MAGEC2: variants seen among roughly 807,000 people sequenced by gnomAD.
The protein encoded by MAGEC2 is MAGE family member C2.
For synonymous variants in MAGEC2, 127 were observed against 115.1 expected (o/e 1.10, Z -0.66); for missense variants, 332 against 282.3 (o/e 1.18, Z -1.26).
At position 142,202,888 on chromosome X, in the gene MAGEC2, C is replaced by A; in HGVS notation, c.1100G>T (p.Ser367Ile). Residue 367 changes from serine to isoleucine, a missense_variant, in exon 3 of 3, where the codon AGC (serine) becomes ATC (isoleucine). Transcript: ENST00000247452. ...ACTTCACTCAGAAAAGGAGACGTTGCTGGACATGACACTGAGGCTTTCACT... is the reference window on the plus strand; with the variant it reads ...ACTTCACTCAGAAAAGGAGACGTTGATGGACATGACACTGAGGCTTTCACT... Reference protein sequence around the residue: ...MASESLSVMSSNVSFSE With the variant: ...MASESLSVMSINVSFSE The A allele has an allele frequency of 1.7e-6, 2 of 1,209,756 alleles. No homozygotes were observed. The highest frequency in any genetic ancestry group is 2.2e-6 in the Non-Finnish European group (2 of 894,550).
rs1294386088 is a variant in MAGEC2, at chrX:142,203,394, T to C, written c.594A>G (p.Ile198Met). 2.5e-6 allele frequency: 3 copies of C among 1,211,711 alleles called. No homozygotes were observed. Among genetic ancestry groups the C allele is most frequent in the South Asian group, 3.5e-5 (2 of 56,941 alleles). Reference protein sequence around the residue: ...FMELLFGLALIEVGPDHFCVF... With the variant: ...FMELLFGLALMEVGPDHFCVF... ...CACAGAAGTGGTCAGGGCCCACTTC[T>C]ATCAGGGCAAGGCCAAAAAGAAGCT... Residue 198 changes from isoleucine to methionine, a missense_variant, in exon 3 of 3, where the codon ATA (isoleucine) becomes ATG (methionine). Ile to Met is a conservative substitution (Grantham distance 10). Coordinates refer to ENST00000247452, the MANE Select transcript of MAGEC2 (RefSeq NM_016249.4).
chrX:142,202,873 GA>G lies in MAGEC2; in HGVS notation c.1114del (p.Ser372LeufsTer5). Reference sequence around the variant, plus strand: ...AAGAAACTATCCTAGACTTCACTCAGAAAAGGAGACGTTGCTGGACATGACA... The same window carrying G: ...AAGAAACTATCCTAGACTTCACTCAGAAAGGAGACGTTGCTGGACATGACA... ...LSVMSSNVSF[S>X]E On this transcript the variant is annotated frameshift_variant, in exon 3 of 3. Transcript: ENST00000247452. LOFTEE classifies it high-confidence loss of function. The G allele has an allele frequency of 8.3e-7, 1 of 1,207,899 alleles. No individual in the cohort carries two copies. Among genetic ancestry groups the G allele is most frequent in the Non-Finnish European group, 1.1e-6 (1 of 893,472 alleles).
chrX:142,204,079 T>G (rs778329053), intron 2 of MAGEC2, 26 bp from the exon 3 acceptor site: 1 of 1,180,679 alleles, frequency 8.5e-7, no homozygotes, highest in Non-Finnish European at 1.2e-6. Flanking sequence ...ACAGTGTGAG[T>G]GGCCTCAGCT....
Position 142,202,638 on chromosome X carries a change from G to C in MAGEC2, c.*228C>G, listed in dbSNP as rs1435643817. On this transcript the variant is annotated 3_prime_UTR_variant, in exon 3 of 3. Coordinates refer to ENST00000247452, the MANE Select transcript of MAGEC2 (RefSeq NM_016249.4). Reference sequence around the variant, plus strand: ...AACTGTTACTCTTAAACCAGATAAAGAGCAATACATGTGCGACTAATATTC... The same window carrying C: ...AACTGTTACTCTTAAACCAGATAAACAGCAATACATGTGCGACTAATATTC... 11 of 357,075 alleles carry C rather than the reference G, an allele frequency of 3.1e-5. No individual in the cohort carries two copies. Among genetic ancestry groups the C allele is most frequent in the Non-Finnish European group, 5.3e-5 (11 of 208,330 alleles). The allele number at this position is 357,075 out of a possible 1,213,427, so 29.4% of individuals were successfully genotyped here.
rs148758205 is a variant in MAGEC2, at chrX:142,202,597, T to C, written c.*269A>G. On this transcript the variant is annotated 3_prime_UTR_variant, in exon 3 of 3. Transcript: ENST00000247452. ...AATAAGGGAGAAGGTATTTCCATTTTTTTAACAAAATATCAAACTGTTACT... is the reference window on the plus strand; with the variant it reads ...AATAAGGGAGAAGGTATTTCCATTTCTTTAACAAAATATCAAACTGTTACT... The C allele has an allele frequency of 7.6e-3, 2,260 of 298,425 alleles. 41 individuals carry two copies. Among genetic ancestry groups the C allele is most frequent in the African/African-American group, 0.052 (1,950 of 37,486 alleles). The allele number at this position is 298,425 out of a possible 1,213,427, so 24.6% of individuals were successfully genotyped here. A position where few individuals can be genotyped will look rare whatever the true frequency, so the allele number is the denominator to read the frequency against.
In MAGEC2 at chrX:142,202,812, C is replaced by T. The variant is rs778974776; in HGVS notation, c.*54G>A. 6.1e-6 allele frequency: 7 copies of T among 1,150,704 alleles called. No homozygotes were observed. The African/African-American group carries it at 1.3e-4, about 21-fold the overall frequency. 94.8% of individuals were successfully genotyped at this position (1,150,704 alleles called of 1,213,427 possible). A position where few individuals can be genotyped will look rare whatever the true frequency, so the allele number is the denominator to read the frequency against. The stretch of plus-strand genomic sequence containing the variant: ...TCGAGCCCCACCTGGCCCTCCACTA[C>T]CTAGAACCTAAACTGCCCTGTTCAA... On this transcript the variant is annotated 3_prime_UTR_variant, in exon 3 of 3. Coordinates refer to ENST00000247452, the MANE Select transcript of MAGEC2 (RefSeq NM_016249.4).
Position 142,202,801 on chromosome X carries a change from G to A in MAGEC2, c.*65C>T. 9.2e-7 allele frequency: 1 copy of A among 1,085,112 alleles called. No individual in the cohort carries two copies. The highest frequency in any genetic ancestry group is 2.2e-5 in the South Asian group (1 of 44,980). 89.4% of individuals were successfully genotyped at this position (1,085,112 alleles called of 1,213,427 possible). A position where few individuals can be genotyped will look rare whatever the true frequency, so the allele number is the denominator to read the frequency against. On this transcript the variant is annotated 3_prime_UTR_variant, in exon 3 of 3. Transcript: ENST00000247452. ...CACTACGTTCCTCGAGCCCCACCTGGCCCTCCACTACCTAGAACCTAAACT... is the reference window on the plus strand; with the variant it reads ...CACTACGTTCCTCGAGCCCCACCTGACCCTCCACTACCTAGAACCTAAACT...
chrX:142,204,019 A>T lies in MAGEC2; in HGVS notation c.-32T>A, dbSNP rs1931198176. On this transcript the variant is annotated 5_prime_UTR_variant, in exon 3 of 3. Transcript: ENST00000247452. Reference sequence around the variant, plus strand: ...TTCTTCAGGAGCAGCAGGTAAACGTATCAACAGGGATATGGATGATGAGAT... The same window carrying T: ...TTCTTCAGGAGCAGCAGGTAAACGTTTCAACAGGGATATGGATGATGAGAT... 8.4e-7 allele frequency: 1 copy of T among 1,185,808 alleles called. No individual in the cohort carries two copies. The highest frequency in any genetic ancestry group is 2.3e-5 in the Admixed American group (1 of 43,512).
At position 142,203,948 on chromosome X, in the gene MAGEC2, T is replaced by C. The variant is rs1038333224; in HGVS notation, c.40A>G (p.Asn14Asp). Residue 14 changes from asparagine to aspartate, a missense_variant, in exon 3 of 3, where the codon AAC (asparagine) becomes GAC (aspartate). Transcript: ENST00000247452. ...AACTCAACTGAGGTCGGGGAGTCGT[T>C]GTCAACGTTGCGGAATGGAACGCCT... is the stretch of plus-strand genomic sequence containing the variant. ...VPGVPFRNVD[N>D]DSPTSVELED... The C allele has an allele frequency of 4.2e-6, 5 of 1,176,774 alleles. No homozygotes were observed. Among genetic ancestry groups the C allele is most frequent in the East Asian group, 3.0e-5 (1 of 33,550 alleles).
chrX:142,202,600 T>A lies in MAGEC2; in HGVS notation c.*266A>T. The A allele has an allele frequency of 6.6e-6, 2 of 301,142 alleles. No individual in the cohort carries two copies. Among genetic ancestry groups the A allele is most frequent in the Admixed American group, 5.4e-5 (1 of 18,378 alleles). The allele number at this position is 301,142 out of a possible 1,213,427, so 24.8% of individuals were successfully genotyped here. ...AAGGGAGAAGGTATTTCCATTTTTTTAACAAAATATCAAACTGTTACTCTT... is the reference window on the plus strand; with the variant it reads ...AAGGGAGAAGGTATTTCCATTTTTTAAACAAAATATCAAACTGTTACTCTT... On this transcript the variant is annotated 3_prime_UTR_variant, in exon 3 of 3. Coordinates refer to ENST00000247452, the MANE Select transcript of MAGEC2 (RefSeq NM_016249.4).
rs1353952268 is a variant in MAGEC2, at chrX:142,203,376, G to A, written c.612C>T (p.His204=). Residue 204 remains histidine (H), a synonymous_variant, in exon 3 of 3, where the codon CAC becomes CAT. Coordinates refer to ENST00000247452, the MANE Select transcript of MAGEC2 (RefSeq NM_016249.4). ...GLALIEVGPD[H]FCVFANTVGL... is the part of the protein sequence containing the mutation. ...CTACTGTGTTTGCAAACACACAGAA[G>A]TGGTCAGGGCCCACTTCTATCAGGG... The A allele has an allele frequency of 1.7e-6, 2 of 1,211,689 alleles. No homozygotes were observed. Among genetic ancestry groups the A allele is most frequent in the Non-Finnish European group, 2.2e-6 (2 of 895,486 alleles).
chrX:142,204,172 TCTC>T (rs1482909469), intron 2 of MAGEC2, 119 bp from the exon 3 acceptor site: 5 of 952,499 alleles, frequency 5.2e-6, no homozygotes, highest in Non-Finnish European at 7.4e-6. Context: ...GCCTCACAGG[TCTC>T]CTGTCTTCCT....
rs775301937 is a variant in MAGEC2, at chrX:142,203,457, G to A, written c.531C>T (p.Tyr177=). ...GGGCTCTCTTGAGTATCACAGGAAA[G>A]TAATCTTTGTACTTGATGACAATCA... is the stretch of plus-strand genomic sequence containing the variant. The part of the protein sequence containing the change: ...MLMIVIKYKD[Y]FPVILKRARE... Residue 177 remains tyrosine, a synonymous_variant, in exon 3 of 3, where the codon TAC becomes TAT. Coordinates refer to ENST00000247452, the MANE Select transcript of MAGEC2 (RefSeq NM_016249.4). 7.4e-6 allele frequency: 9 copies of A among 1,209,771 alleles called. No homozygotes were observed. In the East Asian group the frequency reaches 2.1e-4, roughly 28 times the overall value.
chrX:142,203,075 C>T lies in MAGEC2; in HGVS notation c.913G>A (p.Ala305Thr). The T allele has an allele frequency of 2.5e-6, 3 of 1,211,070 alleles. No homozygotes were observed. Among genetic ancestry groups the T allele is most frequent in the Non-Finnish European group, 2.2e-6 (2 of 895,002 alleles). Residue 305 changes from alanine (A) to threonine (T), a missense_variant, in exon 3 of 3, where the codon GCC (alanine) becomes ACC (threonine). Coordinates refer to ENST00000247452, the MANE Select transcript of MAGEC2 (RefSeq NM_016249.4). ...PYYEFLWGPR[A>T]HSESIKKKVL... Reference sequence around the variant, plus strand: ...TTCTTCTTGATGCTTTCTGAATGGGCTCTCGGACCCCACAGGAATTCATAA... The same window carrying T: ...TTCTTCTTGATGCTTTCTGAATGGGTTCTCGGACCCCACAGGAATTCATAA...
rs1448688651 is a variant in MAGEC2 at position 142,202,519 on chromosome X, A to C, written c.*347T>G. On this transcript the variant is annotated 3_prime_UTR_variant, in exon 3 of 3. Coordinates refer to ENST00000247452, the MANE Select transcript of MAGEC2 (RefSeq NM_016249.4). ...ACTGCTGAGTTATTGCACATTGTAA[A>C]AAAAAAAAAAAATGCCTATTACAAT... 1 of 150,994 alleles carries C rather than the reference A, an allele frequency of 6.6e-6. No individual in the cohort carries two copies. Among genetic ancestry groups the C allele is most frequent in the Non-Finnish European group, 1.3e-5 (1 of 79,325 alleles). 12.4% of individuals were successfully genotyped at this position (150,994 alleles called of 1,213,427 possible).
rs370796744 is a variant in MAGEC2, at chrX:142,203,638, C to T, written c.350G>A (p.Ser117Asn). The part of the protein sequence containing the change: ...FSWSSFSEES[S>N]SQKGEDTGTC... The stretch of plus-strand genomic sequence containing the variant: ...GCCTGTATCCTCCCCTTTCTGGCTG[C>T]TGGACTCCTCACTGAATGAGCTCCA... The change falls in exon 3 of 3, where the codon AGC becomes AAC. Residue 117 changes from serine to asparagine, a missense_variant. Physicochemically the swap from Ser to Asn is conservative, Grantham distance 46. Coordinates refer to ENST00000247452, the MANE Select transcript of MAGEC2 (RefSeq NM_016249.4). The T allele has an allele frequency of 1.4e-5, 17 of 1,207,904 alleles. No homozygotes were observed. In the South Asian group the frequency reaches 2.5e-4, roughly 18 times the overall value.
rs749488523 is a variant in MAGEC2, at chrX:142,203,892, T to C, written c.96A>G (p.Thr32=). ...LEDWVDAQHP[T]DEEEEEASSA... ...AGGAGGCTTCCTCCTCTTCCTCATC[T>C]GTGGGATGCTGTGCATCTACCCAGT... The change falls in exon 3 of 3, where the codon ACA becomes ACG. Residue 32 remains threonine, a synonymous_variant. Transcript: ENST00000247452. The C allele has an allele frequency of 9.2e-5, 109 of 1,185,983 alleles. No homozygotes were observed. In the South Asian group the frequency reaches 1.5e-3, roughly 16 times the overall value.
At position 142,204,011 on chromosome X, in the gene MAGEC2, G is replaced by A. The variant is rs775958335; in HGVS notation, c.-24C>T. The A allele has an allele frequency of 5.9e-6, 7 of 1,188,174 alleles. No homozygotes were observed. In the East Asian group the frequency reaches 1.2e-4, roughly 20 times the overall value. On this transcript the variant is annotated 5_prime_UTR_variant, in exon 3 of 3. Transcript: ENST00000247452. ...ATGACGACTTCTTCAGGAGCAGCAGGTAAACGTATCAACAGGGATATGGAT... is the reference window on the plus strand; with the variant it reads ...ATGACGACTTCTTCAGGAGCAGCAGATAAACGTATCAACAGGGATATGGAT...
chrX:142,204,830 G>A (rs1931211984), intron 1 of MAGEC2, among the ~76,000 whole-genome samples: 1 of 111,476 alleles, frequency 9.0e-6, no homozygotes, highest in African/African-American at 3.3e-5. Flanking sequence ...CCAACCAGAG[G>A]CAGCTCCCCG....
Sources: allele counts gnomAD v4.1 joint callset (sites outside exome capture counted in the v4.1 genomes callset), GRCh38; gene constraint gnomAD v4.1.1; transcripts MANE v1.5; gene names NCBI Gene and HGNC (gene_info 2026-07-23, HGNC 2026-07-21).